The following CPNE7 variants were observed in gnomAD, a reference collection of about 807,000 sequenced individuals.
CPNE7 encodes copine 7.
In CPNE7, 78 loss-of-function variants were observed where a neutral mutation model predicts 66.5. That is an observed-to-expected ratio of 1.17 (90% CI 0.98 to 1.42). CPNE7 has a LOEUF of 1.42. Ranked by LOEUF, CPNE7 falls within the 40% of genes most tolerant of loss-of-function variation. The probability of loss-of-function intolerance (pLI) is 0.00; values close to 1 mark genes in which losing one functional copy is unlikely to be tolerated. For missense variants in CPNE7, 1,012 were observed against 776.6 expected, an observed-to-expected ratio of 1.30 and a Z score of -3.60; for synonymous variants, 468 against 336.7, an observed-to-expected ratio of 1.39 and a Z score of -4.27.
At chr16:89,595,065 C>T (rs991332845) in intron 13 of CPNE7, among the ~76,000 whole-genome samples, 8 of 152,130 alleles carry the variant, frequency 5.3e-5, no homozygotes, top group Non-Finnish European at 1.0e-4. Flanking sequence ...TCAGACCTCC[C>T]ATCCAGGCAC....
rs957442346 is a variant in CPNE7 at position 89,575,884 on chromosome 16, C to A, written c.-14C>A. On this transcript the variant is annotated 5_prime_UTR_variant, in exon 1 of 15. Coordinates refer to ENST00000319518, the MANE Select transcript of CPNE7 (RefSeq NM_153636.3). ...CCCTCAGTGCGCCCAGCCGGGCCCCCGAACGCCGGGAGCATGAGCGCGGGC... is the reference window on the plus strand; with the variant it reads ...CCCTCAGTGCGCCCAGCCGGGCCCCAGAACGCCGGGAGCATGAGCGCGGGC... The A allele has an allele frequency of 4.0e-5, 48 of 1,209,126 alleles. No homozygotes were observed. Among genetic ancestry groups the A allele is most frequent in the Non-Finnish European group, 4.7e-5 (46 of 973,198 alleles). The allele number at this position is 1,209,126 out of a possible 1,614,324, so 74.9% of individuals were successfully genotyped here. A position where few individuals can be genotyped will look rare whatever the true frequency, so the allele number is the denominator to read the frequency against.
intron 2 of CPNE7, chr16:89,578,840 G>T: frequency 6.2e-7 from 1 of 1,605,440 alleles, no homozygotes; most frequent in Non-Finnish European, 8.5e-7. Flanking sequence ...ATGCTCTCTG[G>T]GTTACGGCCT....
At chr16:89,579,442 C>A (rs911812453) in intron 2 of CPNE7, among the ~76,000 whole-genome samples, 3 of 151,932 alleles carry the variant, frequency 2.0e-5, no homozygotes, top group African/African-American at 4.8e-5. Context: ...TCCCTTCACC[C>A]CTCACACGGA....
intron 11 of CPNE7, 90 bp downstream of exon 11, chr16:89,590,041 G>C: frequency 7.0e-7 from 1 of 1,422,356 alleles, no homozygotes; most frequent in East Asian, 2.4e-5. Flanking sequence ...AGCCCTGGCT[G>C]CCTGCTGGGA....
rs1010071277 is a variant in CPNE7 at position 89,584,976 on chromosome 16, T to C, written c.591+119T>C. The C allele has an allele frequency of 1.2e-5, 11 of 909,562 alleles. No individual in the cohort carries two copies. The highest frequency in any genetic ancestry group is 1.1e-4 in the African/African-American group (7 of 61,384). The allele number at this position is 909,562 out of a possible 1,614,324, so 56.3% of individuals were successfully genotyped here. ...ACAGGGAGCTGTGGGCGCAGGGCTT[T>C]GGTGGCTGTGGCTATGGCCAGAATC... On this transcript the variant is annotated intron_variant, in intron 5 of 14. Transcript: ENST00000319518. This position sits in a 1 kb window ranked among gnomAD's most constrained non-coding sequence, Gnocchi z 6.0.
At chr16:89,583,876 G>A (rs1597700299) in intron 3 of CPNE7, 105 bp downstream of exon 3, 1 of 1,449,790 alleles carries the variant, frequency 6.9e-7, no homozygotes, top group South Asian at 1.2e-5. Flanking sequence ...GGGAGGGTCT[G>A]CAGGAGCCGG....
At position 89,583,436 on chromosome 16, in the gene CPNE7, G is replaced by A; in HGVS notation, c.358-261G>A. 3 of 1,550,226 alleles carry A rather than the reference G, an allele frequency of 1.9e-6. No homozygotes were observed. The East Asian group carries it at 7.3e-5, about 38-fold the overall frequency. ...CCACCTGAGCCTGTTTCCTCACCTG[G>A]TAAATAGGTATGATGACCTCTGCCT... is the stretch of plus-strand genomic sequence containing the variant. On this transcript the variant is annotated intron_variant, in intron 2 of 14. Coordinates refer to ENST00000319518, the MANE Select transcript of CPNE7 (RefSeq NM_153636.3).
intron 13 of CPNE7, among the ~76,000 whole-genome samples, chr16:89,595,140 G>A (rs2059233647): frequency 6.6e-6 from 1 of 152,112 alleles, no homozygotes; most frequent in Non-Finnish European, 1.5e-5. Flanking sequence ...TGAGACTCGT[G>A]GAGATTTCCT....
chr16:89,595,206 G>A (rs1251798395), intron 13 of CPNE7, among the ~76,000 whole-genome samples, 161 bp from the exon 14 acceptor site: 1 of 152,204 alleles, frequency 6.6e-6, no homozygotes, highest in African/African-American at 2.4e-5. Context: ...CTGACCCACT[G>A]TTGTTCGTGA....
intron 1 of CPNE7, among the ~76,000 whole-genome samples, chr16:89,576,452 G>A (rs958881560): frequency 1.3e-5 from 2 of 151,938 alleles, no homozygotes; most frequent in Non-Finnish European, 2.9e-5. Flanking sequence ...GCCGGCCGAC[G>A]GGGGGCGGGA....
At chr16:89,594,219 G>A (rs993253763) in intron 13 of CPNE7, 1 of 148,178 alleles carries the variant, frequency 6.7e-6, no homozygotes, top group African/African-American at 2.5e-5. Flanking sequence ...CTCATCTGGG[G>A]TTGGGAGGGG....
At chr16:89,596,158 C>T (rs1275462781) in intron 14 of CPNE7, among the ~76,000 whole-genome samples, 1 of 152,284 alleles carries the variant, frequency 6.6e-6, no homozygotes, top group African/African-American at 2.4e-5. Flanking sequence ...ATTACAGACA[C>T]ATGAAGCTCT....
chr16:89,591,856 ACT>A (rs1167956701), intron 13 of CPNE7, among the ~76,000 whole-genome samples: 1 of 151,470 alleles, frequency 6.6e-6, no homozygotes, highest in Non-Finnish European at 1.5e-5. Context: ...GCCCGCCACC[ACT>A]TCTGGCTAAT....
intron 2 of CPNE7, among the ~76,000 whole-genome samples, chr16:89,580,357 C>T (rs2058933496): frequency 6.9e-6 from 1 of 144,328 alleles, no homozygotes; most frequent in Admixed American, 6.9e-5. Flanking sequence ...CATCACCCGT[C>T]ACACGGAACA....
rs150055504 is a variant in CPNE7 at position 89,596,527 on chromosome 16, C to T, written c.1583C>T (p.Pro528Leu). 125 of 1,609,940 alleles carry T rather than the reference C, an allele frequency of 7.8e-5. No homozygotes were observed. Among genetic ancestry groups the T allele is most frequent in the Non-Finnish European group, 1.1e-4 (124 of 1,179,822 alleles). The change falls in exon 15 of 15, where the codon CCG becomes CTG. Residue 528 changes from proline to leucine, a missense_variant. By Grantham distance (98) the Pro-to-Leu change is moderately conservative. Transcript: ENST00000319518. ...GCCAAGTGCGTGCTGGCCGAGGTCCCGAAGCAGGTGGTGGAGTACTACAGC... is the reference window on the plus strand; with the variant it reads ...GCCAAGTGCGTGCTGGCCGAGGTCCTGAAGCAGGTGGTGGAGTACTACAGC... ...ALAKCVLAEV[P>L]KQVVEYYSHR...
At position 89,585,735 on chromosome 16, in the gene CPNE7, G is replaced by T; in HGVS notation, c.730G>T (p.Glu244Ter). The change falls in exon 7 of 15, where the codon GAA (glutamate) becomes TAA (stop). Residue 244 changes from glutamate to a stop codon, truncating the protein, a stop_gained. Coordinates refer to ENST00000319518, the MANE Select transcript of CPNE7 (RefSeq NM_153636.3). LOFTEE classifies it high-confidence loss of function. ...DSRGKHDFIG[E>*]FSTTFEEMQK... ...TCGAGGAAAGCACGACTTCATCGGA[G>T]AATTCTCTACCACCTTCGAGGAGAT... is the stretch of plus-strand genomic sequence containing the variant. 6.6e-7 allele frequency: 1 copy of T among 1,522,650 alleles called. No individual in the cohort carries two copies. Among genetic ancestry groups the T allele is most frequent in the Non-Finnish European group, 8.8e-7 (1 of 1,131,332 alleles). 94.3% of individuals were successfully genotyped at this position (1,522,650 alleles called of 1,614,324 possible).
intron 9 of CPNE7, chr16:89,587,600 C>G (rs1051675494): frequency 2.4e-4 from 108 of 455,012 alleles, no homozygotes; most frequent in Non-Finnish European, 4.2e-4. Flanking sequence ...TTTGAGTGAA[C>G]CAGCCACAGT....
At position 89,584,721 on chromosome 16, in the gene CPNE7, C is replaced by A; in HGVS notation, c.508-53C>A. ...GGGAAACGACAAAGCCAGCTCCCAT[C>A]CAAAGCCCGATCTCACAGTGCCTGG... On this transcript the variant is annotated intron_variant, in intron 4 of 14. Coordinates refer to ENST00000319518, the MANE Select transcript of CPNE7 (RefSeq NM_153636.3). The surrounding 1 kb of genome is among the most constrained non-coding windows in gnomAD (Gnocchi z 6.0). The A allele has an allele frequency of 7.1e-7, 1 of 1,403,044 alleles. No homozygotes were observed. Among genetic ancestry groups the A allele is most frequent in the Non-Finnish European group, 1.0e-6 (1 of 997,028 alleles). The allele number at this position is 1,403,044 out of a possible 1,614,324, so 86.9% of individuals were successfully genotyped here.
intron 2 of CPNE7, among the ~76,000 whole-genome samples, chr16:89,577,945 G>A (rs915367054): frequency 1.1e-4 from 16 of 152,228 alleles, no homozygotes; most frequent in African/African-American, 3.9e-4. Flanking sequence ...ATAAAAGGCT[G>A]TGGAGCGCCT....
Sources: allele counts gnomAD v4.1 joint callset (sites outside exome capture counted in the v4.1 genomes callset), GRCh38; gene constraint gnomAD v4.1.1; non-coding constraint Gnocchi (gnomAD v3.1); transcripts MANE v1.5; gene names NCBI Gene and HGNC (gene_info 2026-07-23, HGNC 2026-07-21).